The following CDH18 variants were observed in gnomAD, a reference collection of about 807,000 sequenced individuals.
CDH18 encodes the protein cadherin-18.
In CDH18, 31 loss-of-function variants were observed where a neutral mutation model predicts 67.9. The ratio of observed to expected loss-of-function variants is 0.46; its 90% CI spans 0.34 to 0.62. The LOEUF is 0.62. Ranked by LOEUF, CDH18 falls within the 20% of genes least tolerant of loss-of-function variation. The probability of loss-of-function intolerance (pLI) is 0.01; values close to 1 mark genes in which losing one functional copy is unlikely to be tolerated. For synonymous variants in CDH18, 362 were observed against 347.2 expected, an observed-to-expected ratio of 1.04 and a Z score of -0.48; for missense variants, 890 against 975.5, an observed-to-expected ratio of 0.91 and a Z score of 1.17.
At chr5:20,209,337 A>C (rs1156958465) in intron 2 of CDH18, among the ~76,000 whole-genome samples, 1 of 152,104 alleles carries the variant, frequency 6.6e-6, no homozygotes, top group African/African-American at 2.4e-5. Flanking sequence ...AAATAGCCAA[A>C]ATATGGAATT....
At chr5:20,252,039 T>C (rs1352217732) in intron 2 of CDH18, among the ~76,000 whole-genome samples, 2 of 152,178 alleles carry the variant, frequency 1.3e-5, no homozygotes, top group South Asian at 2.1e-4. Flanking sequence ...CATTTTTGGA[T>C]AAAAATTCAA....
intron 7 of CDH18, among the ~76,000 whole-genome samples, chr5:19,579,406 AT>A (rs555988674): frequency 8.7e-5 from 13 of 149,420 alleles, no homozygotes; most frequent in East Asian, 2.0e-4. Flanking sequence ...TTATGATCTT[AT>A]TTTTTTTTGT....
intron 2 of CDH18, among the ~76,000 whole-genome samples, chr5:19,943,627 C>T (rs1375513277): frequency 1.3e-5 from 2 of 151,944 alleles, no homozygotes; most frequent in Non-Finnish European, 2.9e-5. Flanking sequence ...CATGTAAAAA[C>T]TGTATAATAT....
At chr5:19,574,093 G>A (rs1741900402) in intron 7 of CDH18, among the ~76,000 whole-genome samples, 1 of 152,038 alleles carries the variant, frequency 6.6e-6, no homozygotes, top group African/African-American at 2.4e-5. Context: ...AATGAAATTT[G>A]TGGAGGGATT....
chr5:19,965,323 T>G (rs1183280734), intron 2 of CDH18, among the ~76,000 whole-genome samples: 2 of 152,194 alleles, frequency 1.3e-5, no homozygotes, highest in Admixed American at 6.6e-5. Flanking sequence ...TAGCCACATA[T>G]GTAGGAATAT....
At chr5:19,814,472 G>A (rs1779079832) in intron 3 of CDH18, among the ~76,000 whole-genome samples, 1 of 150,142 alleles carries the variant, frequency 6.7e-6, no homozygotes, top group East Asian at 2.0e-4. Context: ...TTATTTGTTG[G>A]TGGCTGGTTG....
chr5:19,777,845 G>T (rs1439725690), intron 3 of CDH18, among the ~76,000 whole-genome samples: 1 of 152,086 alleles, frequency 6.6e-6, no homozygotes, highest in Non-Finnish European at 1.5e-5. Context: ...TAGAACTTTT[G>T]CCAGACAGAT....
At chr5:19,914,029 T>G (rs902953380) in intron 2 of CDH18, among the ~76,000 whole-genome samples, 5 of 152,134 alleles carry the variant, frequency 3.3e-5, no homozygotes, top group African/African-American at 1.2e-4. Context: ...ATAGAGCAGA[T>G]AGTGTGCTTG....
At chr5:20,260,029 A>C (rs1292654025) in intron 1 of CDH18, among the ~76,000 whole-genome samples, 5 of 152,024 alleles carry the variant, frequency 3.3e-5, no homozygotes, top group African/African-American at 1.2e-4. Flanking sequence ...TAGAAAGTTC[A>C]AAACGTCAAG....
At chr5:19,607,256 A>T (rs1405656773) in intron 6 of CDH18, among the ~76,000 whole-genome samples, 1 of 151,530 alleles carries the variant, frequency 6.6e-6, no homozygotes, top group Non-Finnish European at 1.5e-5. Flanking sequence ...AGTACCAGGA[A>T]GGGTAAATTA....
chr5:20,187,530 A>G (rs554305552), intron 2 of CDH18, among the ~76,000 whole-genome samples: 1 of 151,998 alleles, frequency 6.6e-6, no homozygotes, highest in Admixed American at 6.6e-5. Flanking sequence ...CCCTGTATAA[A>G]ATAAAGAAGG....
chr5:19,943,834 G>A (rs1795055043), intron 2 of CDH18, among the ~76,000 whole-genome samples: 1 of 151,932 alleles, frequency 6.6e-6, no homozygotes, highest in South Asian at 2.1e-4. Flanking sequence ...TGTGCTATTT[G>A]GGGAGATCTT....
intron 2 of CDH18, among the ~76,000 whole-genome samples, chr5:20,053,473 CA>C (rs1346808816): frequency 6.6e-6 from 1 of 151,964 alleles, no homozygotes; most frequent in East Asian, 1.9e-4. Context: ...ATACTCTCCC[CA>C]TCTCAGCTTT....
chr5:20,315,821 T>G (rs1737411199), intron 1 of CDH18, among the ~76,000 whole-genome samples: 1 of 152,166 alleles, frequency 6.6e-6, no homozygotes, highest in African/African-American at 2.4e-5. Flanking sequence ...GGCATGTACT[T>G]ATCACTTATG....
At chr5:20,053,391 G>A (rs560088835) in intron 2 of CDH18, among the ~76,000 whole-genome samples, 2 of 151,312 alleles carry the variant, frequency 1.3e-5, no homozygotes, top group South Asian at 2.1e-4. Flanking sequence ...TTAGTGAGTC[G>A]ATCCAGTCTA....
intron 1 of CDH18, among the ~76,000 whole-genome samples, chr5:20,348,839 C>T (rs187396741): frequency 7.9e-5 from 12 of 152,220 alleles, no homozygotes; most frequent in African/African-American, 2.9e-4. Flanking sequence ...TTGTTCCTGG[C>T]CCTTCATTCT....
rs558030152 is a variant in CDH18, at chr5:20,456,732, A to AT, written c.-580+118729dup. On this transcript the variant is annotated intron_variant, in intron 1 of 14. Transcript: ENST00000507958. ...ACATGCAAAATGGCATAAATGCCAT[A>AT]TTTTTTTTAATGTAATAGTACATAT... Among the ~76,000 whole-genome samples, 341 of 152,054 alleles carry AT rather than the reference A, an allele frequency of 2.2e-3. 2 individuals carry two copies. Among genetic ancestry groups the AT allele is most frequent in the African/African-American group, 6.6e-3 (276 of 41,526 alleles).
intron 2 of CDH18, among the ~76,000 whole-genome samples, chr5:20,241,429 G>A (rs912934232): frequency 2.0e-5 from 3 of 152,112 alleles, no homozygotes; most frequent in African/African-American, 7.2e-5. Flanking sequence ...ACATGCTTGG[G>A]TTAATGGCTG....
chr5:19,820,097 C>G (rs775373207), intron 3 of CDH18, among the ~76,000 whole-genome samples: 10 of 152,126 alleles, frequency 6.6e-5, no homozygotes, highest in East Asian at 1.9e-4. Context: ...GACTTGTGCT[C>G]AAGTTGGGGA....
Sources: allele counts gnomAD v4.1 joint callset (sites outside exome capture counted in the v4.1 genomes callset), GRCh38; gene constraint gnomAD v4.1.1; transcripts MANE v1.5; gene names NCBI Gene and HGNC (gene_info 2026-07-23, HGNC 2026-07-21).